CD226: variants seen among roughly 807,000 people sequenced by gnomAD.
CD226 encodes the protein CD226 antigen.
Under a neutral mutation model 34.9 loss-of-function variants are expected in CD226, and 24 were observed. That is an observed-to-expected ratio of 0.69 (90% CI 0.50 to 0.97). CD226 has a LOEUF of 0.97. Among genes scored for constraint, CD226 ranks in the 50% least tolerant of loss-of-function variants. The probability of loss-of-function intolerance (pLI) is 0.00; values close to 1 mark genes in which losing one functional copy is unlikely to be tolerated. For missense variants in CD226, 397 were observed against 412.7 expected, an observed-to-expected ratio of 0.96 and a Z score of 0.33; for synonymous variants, 148 against 147.4, an observed-to-expected ratio of 1.00 and a Z score of -0.03.
At chr18:69,910,275 TG>T in intron 2 of CD226, among the ~76,000 whole-genome samples, 1 of 152,172 alleles carries the variant, frequency 6.6e-6, no homozygotes, top group East Asian at 1.9e-4. Context: ...GACTTCACAG[TG>T]GGAAAACGTG....
Position 69,859,911 on chromosome 18 carries a change from A to G in CD226, c.*4403T>C, listed in dbSNP as rs1982729592. The G allele has an allele frequency of 6.6e-6, 1 of 152,176 alleles. No individual in the cohort carries two copies. Among genetic ancestry groups the G allele is most frequent in the South Asian group, 2.1e-4 (1 of 4,830 alleles). 9.4% of individuals were successfully genotyped at this position (152,176 alleles called of 1,614,324 possible). On this transcript the variant is annotated 3_prime_UTR_variant, in exon 6 of 6. Transcript: ENST00000582621. ...AACGTGGAGAAACCCCGTCTCCACTAAAAATACAAAATTAGCCAGGCATGT... is the reference window on the plus strand; with the variant it reads ...AACGTGGAGAAACCCCGTCTCCACTGAAAATACAAAATTAGCCAGGCATGT...
chr18:69,868,045 G>A (rs570043552), intron 4 of CD226, among the ~76,000 whole-genome samples: 7 of 152,198 alleles, frequency 4.6e-5, no homozygotes, highest in East Asian at 1.9e-4. Flanking sequence ...TCACTTCGCC[G>A]TGACTGAAAG....
intron 2 of CD226, among the ~76,000 whole-genome samples, chr18:69,919,683 C>T (rs1410449278): frequency 1.3e-5 from 2 of 152,110 alleles, no homozygotes; most frequent in Non-Finnish European, 2.9e-5. Flanking sequence ...CAATGCAGGC[C>T]AGGGTTATTA....
chr18:69,882,474 A>G (rs1390616234), intron 3 of CD226, among the ~76,000 whole-genome samples: 2 of 152,220 alleles, frequency 1.3e-5, no homozygotes, highest in Admixed American at 1.3e-4. Flanking sequence ...TATGGCAAGG[A>G]TATTTAAGTG....
intron 2 of CD226, among the ~76,000 whole-genome samples, chr18:69,916,929 A>C (rs1368720637): frequency 1.3e-5 from 2 of 152,098 alleles, no homozygotes; most frequent in Non-Finnish European, 2.9e-5. Context: ...ACCTGCTATC[A>C]AGATTTGAAG....
chr18:69,951,704 T>C (rs1051417017), upstream of CD226, among the ~76,000 whole-genome samples: 5 of 152,164 alleles, frequency 3.3e-5, no homozygotes, highest in Admixed American at 6.5e-5. Flanking sequence ...ACAGCTACAG[T>C]AATCAAAACA....
At chr18:69,951,142 TA>T (rs1465715100), upstream of CD226, among the ~76,000 whole-genome samples, 3 of 151,968 alleles carry the variant, frequency 2.0e-5, no homozygotes, top group African/African-American at 2.4e-5. Context: ...TTTTTAAAAT[TA>T]TTTTTTTTTT....
upstream of CD226, among the ~76,000 whole-genome samples, chr18:69,950,572 C>T (rs2055844226): frequency 1.3e-5 from 2 of 152,118 alleles, no homozygotes; most frequent in Admixed American, 1.3e-4. Flanking sequence ...TCTGCAGAAG[C>T]AGGAGGCTGT....
intron 4 of CD226, among the ~76,000 whole-genome samples, chr18:69,870,755 A>G (rs913029893): frequency 2.6e-5 from 4 of 152,326 alleles, no homozygotes; most frequent in African/African-American, 9.6e-5. Context: ...AGTTTTGTTC[A>G]GGGACACTGT....
intron 2 of CD226, among the ~76,000 whole-genome samples, chr18:69,918,239 T>C (rs1305757912): frequency 6.6e-6 from 1 of 152,226 alleles, no homozygotes; most frequent in Non-Finnish European, 1.5e-5. Flanking sequence ...GGTAAGGGCC[T>C]AGTACATGAG....
chr18:69,889,621 T>C (rs1046706155), intron 3 of CD226, among the ~76,000 whole-genome samples: 1 of 152,176 alleles, frequency 6.6e-6, no homozygotes. Flanking sequence ...CTTTCTTCAA[T>C]AATTTTATAA....
In CD226 at chr18:69,913,334, G is replaced by A. The variant is rs115451134; in HGVS notation, c.383-17289C>T. Among the ~76,000 whole-genome samples the A allele has an allele frequency of 4.6e-3, 703 of 152,298 alleles. 6 individuals carry two copies. Among genetic ancestry groups the A allele is most frequent in the African/African-American group, 0.016 (667 of 41,572 alleles). The stretch of plus-strand genomic sequence containing the variant: ...AAAAAAGTCCTTATTGAAGAGATAA[G>A]TGTGCCTAAAGGATTTGTTATTGTC... On this transcript the variant is annotated intron_variant, in intron 2 of 5. Coordinates refer to ENST00000582621, the MANE Select transcript of CD226 (RefSeq NM_001303618.2).
chr18:69,901,965 C>A (rs1385726811), intron 2 of CD226, among the ~76,000 whole-genome samples: 1 of 151,946 alleles, frequency 6.6e-6, no homozygotes, highest in Non-Finnish European at 1.5e-5. Context: ...GTGAAAGGTA[C>A]TTCACACACC....
intron 2 of CD226, among the ~76,000 whole-genome samples, chr18:69,929,882 TTC>T (rs979855911): frequency 3.3e-5 from 5 of 152,204 alleles, no homozygotes; most frequent in African/African-American, 1.2e-4. Flanking sequence ...ATTTCTCAAT[TTC>T]TCTCTCTGTC....
At chr18:69,887,743 C>A (rs1156321325) in intron 3 of CD226, among the ~76,000 whole-genome samples, 2 of 152,158 alleles carry the variant, frequency 1.3e-5, no homozygotes, top group African/African-American at 4.8e-5. Flanking sequence ...ATTGTGAACA[C>A]CATGGCCTAC....
chr18:69,949,579 T>TCACACA (rs368025355), upstream of CD226, among the ~76,000 whole-genome samples: 1 of 149,746 alleles, frequency 6.7e-6, no homozygotes, highest in Non-Finnish European at 1.5e-5. Flanking sequence ...CTGTGTCCCT[T>TCACACA]CACACACACA....
chr18:69,864,076 A>G lies in CD226; in HGVS notation c.*238T>C. ...TTGCCCAAAGCTTAATCTCCCCTGG[A>G]TCATTCTGTTATATGATACAGTAAG... On this transcript the variant is annotated 3_prime_UTR_variant, in exon 6 of 6. Coordinates refer to ENST00000582621, the MANE Select transcript of CD226 (RefSeq NM_001303618.2). 2.3e-6 allele frequency: 1 copy of G among 429,854 alleles called. No homozygotes were observed. The highest frequency in any genetic ancestry group is 3.0e-5 in the South Asian group (1 of 32,828). The allele number at this position is 429,854 out of a possible 1,614,324, so 26.6% of individuals were successfully genotyped here. A position where few individuals can be genotyped will look rare whatever the true frequency, so the allele number is the denominator to read the frequency against.
intron 2 of CD226, among the ~76,000 whole-genome samples, chr18:69,921,960 T>G (rs2055457146): frequency 6.6e-6 from 1 of 152,148 alleles, no homozygotes; most frequent in Non-Finnish European, 1.5e-5. Flanking sequence ...AAAACTCCAC[T>G]TGAGGAAGTA....
rs1009955477 is a variant in CD226, at chr18:69,854,250, C to A, written c.*10064G>T. ...ACTGCCACCCCAAAATCTGGAGATA[C>A]AGATACATCCAGAGAGATACGCAAC... On this transcript the variant is annotated 3_prime_UTR_variant, in exon 6 of 6. Transcript: ENST00000582621. 1.1e-4 allele frequency: 16 copies of A among 152,204 alleles called. No homozygotes were observed. The highest frequency in any genetic ancestry group is 1.0e-3 in the Admixed American group (16 of 15,282). The allele number at this position is 152,204 out of a possible 1,614,324, so 9.4% of individuals were successfully genotyped here.
Sources: allele counts gnomAD v4.1 joint callset (sites outside exome capture counted in the v4.1 genomes callset), GRCh38; gene constraint gnomAD v4.1.1; transcripts MANE v1.5; gene names NCBI Gene and HGNC (gene_info 2026-07-23, HGNC 2026-07-21).